CACNA1E: variants seen among roughly 807,000 people sequenced by gnomAD.
CACNA1E encodes the protein voltage-dependent R-type calcium channel subunit alpha-1E.
In CACNA1E, 40 loss-of-function variants were observed where a neutral mutation model predicts 259.2. That is an observed-to-expected ratio of 0.15 (90% CI 0.12 to 0.20). The LOEUF (loss-of-function observed/expected upper bound fraction) is 0.20, where lower values mean the gene tolerates loss of function less well. Ranked by LOEUF, CACNA1E falls within the 10% of genes least tolerant of loss-of-function variation. The probability of loss-of-function intolerance (pLI) is 1.00; values close to 1 mark genes in which losing one functional copy is unlikely to be tolerated. For missense variants in CACNA1E, 1,874 were observed against 3,040.1 expected (o/e 0.62, Z 9.02); for synonymous variants, 1,104 against 1,138.5 (o/e 0.97, Z 0.61).
intron 7 of CACNA1E, among the ~76,000 whole-genome samples, chr1:181,682,336 G>A (rs980898436): frequency 2.0e-5 from 3 of 152,158 alleles, no homozygotes; most frequent in Non-Finnish European, 4.4e-5. Flanking sequence ...GACCCTCCAA[G>A]ATGCTCTAAC....
At chr1:181,394,401 C>A (rs988452143) in intron 1 of CACNA1E, among the ~76,000 whole-genome samples, 1 of 152,164 alleles carries the variant, frequency 6.6e-6, no homozygotes. Flanking sequence ...GCTTTTGTAA[C>A]AATTTCAGAT....
intron 3 of CACNA1E, among the ~76,000 whole-genome samples, chr1:181,514,795 G>C (rs1666438840): frequency 6.6e-6 from 1 of 152,184 alleles, no homozygotes; most frequent in African/African-American, 2.4e-5. Flanking sequence ...GAGATGACTA[G>C]TTGAGGGGCC....
In CACNA1E at chr1:181,793,690, G is replaced by C; in HGVS notation, c.5924G>C (p.Ser1975Thr). ...SLEPEVSELKSVQPSNHGIYL... is the reference protein window; with the variant it reads ...SLEPEVSELKTVQPSNHGIYL... Reference sequence around the variant, plus strand: ...GAGCCAGAGGTTAGTGAATTAAAAAGCGTGCAGCCCTCTAACCATGGCATC... The same window carrying C: ...GAGCCAGAGGTTAGTGAATTAAAAACCGTGCAGCCCTCTAACCATGGCATC... The change falls in exon 45 of 48, where the codon AGC becomes ACC. Residue 1975 changes from serine (S) to threonine (T), a missense_variant. Around this residue, in one of 14 missense-constraint regions of CACNA1E, gnomAD observed 542 missense variants for 587.2 expected, o/e 0.92. Coordinates refer to ENST00000367573, the MANE Select transcript of CACNA1E (RefSeq NM_001205293.3). 1 of 1,610,452 alleles carries C rather than the reference G, an allele frequency of 6.2e-7. No homozygotes were observed. Among genetic ancestry groups the C allele is most frequent in the Non-Finnish European group, 8.5e-7 (1 of 1,178,932 alleles).
Position 181,551,857 on chromosome 1 carries a change from C to T in CACNA1E, c.513-25909C>T, listed in dbSNP as rs191409455. Among the ~76,000 whole-genome samples, 12 of 152,052 alleles carry T rather than the reference C, an allele frequency of 7.9e-5. 1 individual carries two copies. In the East Asian group the frequency reaches 1.4e-3, roughly 17 times the overall value. On this transcript the variant is annotated intron_variant, in intron 3 of 47. Coordinates refer to ENST00000367573, the MANE Select transcript of CACNA1E (RefSeq NM_001205293.3). Reference sequence around the variant, plus strand: ...TTTCTCCTCTCTCCCTCACTTCTTTCGTTCCTCCCTCATTCTCTCCATCTT... The same window carrying T: ...TTTCTCCTCTCTCCCTCACTTCTTTTGTTCCTCCCTCATTCTCTCCATCTT...
In CACNA1E at chr1:181,553,406, C is replaced by T. The variant is rs539310071; in HGVS notation, c.513-24360C>T. 5.3e-5 allele frequency among the ~76,000 whole-genome samples: 8 copies of T among 152,152 alleles called. No individual in the cohort carries two copies. In the East Asian group the frequency reaches 1.2e-3, roughly 22 times the overall value. ...ATCAGTTTAAGGAGTTTTTGGGCTG[C>T]GATGATGGGGTTTTCTAAATATACA... is the stretch of plus-strand genomic sequence containing the variant. On this transcript the variant is annotated intron_variant, in intron 3 of 47. Coordinates refer to ENST00000367573, the MANE Select transcript of CACNA1E (RefSeq NM_001205293.3).
At chr1:181,503,946 A>G (rs1212892085) in intron 1 of CACNA1E, among the ~76,000 whole-genome samples, 2 of 152,156 alleles carry the variant, frequency 1.3e-5, no homozygotes, top group African/African-American at 2.4e-5. Context: ...GGATAGCTGT[A>G]TTTCATTCCT....
chr1:181,431,088 A>AT (rs931863768), intron 2 of CACNA1E, among the ~76,000 whole-genome samples: 4 of 151,812 alleles, frequency 2.6e-5, no homozygotes, highest in African/African-American at 7.2e-5. Flanking sequence ...ATACCTCTCA[A>AT]TTTTTTTTAG....
At chr1:181,615,719 C>T (rs182162511) in intron 6 of CACNA1E, among the ~76,000 whole-genome samples, 77 of 132,058 alleles carry the variant, frequency 5.8e-4, no homozygotes, top group African/African-American at 2.0e-3. Flanking sequence ...TTTTCATTTT[C>T]AATTCTTATT....
chr1:181,673,844 TCTC>T (rs761830461), intron 7 of CACNA1E, among the ~76,000 whole-genome samples: 19 of 152,154 alleles, frequency 1.2e-4, no homozygotes, highest in Non-Finnish European at 2.1e-4. Flanking sequence ...GTTGCCTCTT[TCTC>T]CTCAATATAA....
intron 7 of CACNA1E, among the ~76,000 whole-genome samples, chr1:181,674,223 CAAAA>C (rs58198967): frequency 2.4e-4 from 21 of 88,426 alleles, no homozygotes; most frequent in African/African-American, 6.7e-4. Flanking sequence ...ACTAAAAATA[CAAAA>C]AAAAAAAAAA....
At chr1:181,714,564 C>T (rs1653712059) in intron 8 of CACNA1E, among the ~76,000 whole-genome samples, 1 of 152,202 alleles carries the variant, frequency 6.6e-6, no homozygotes, top group Non-Finnish European at 1.5e-5. Flanking sequence ...GCTGAAAGTT[C>T]TAGCCTCCAG....
intron 1 of CACNA1E, among the ~76,000 whole-genome samples, chr1:181,359,249 A>G (rs1025024980): frequency 1.3e-5 from 2 of 152,196 alleles, no homozygotes; most frequent in African/African-American, 4.8e-5. Flanking sequence ...ACAGAGACAT[A>G]TAAACAAATA....
intron 1 of CACNA1E, among the ~76,000 whole-genome samples, chr1:181,500,856 C>G (rs1481439969): frequency 6.6e-5 from 10 of 152,172 alleles, no homozygotes; most frequent in Admixed American, 5.9e-4. Flanking sequence ...TCTATGGACT[C>G]TTTCACAAAA....
At chr1:181,736,118 G>A (rs951584267) in intron 21 of CACNA1E, among the ~76,000 whole-genome samples, 157 bp from the exon 22 acceptor site, 3 of 152,200 alleles carry the variant, frequency 2.0e-5, no homozygotes, top group African/African-American at 4.8e-5. Flanking sequence ...TTAACTCAGT[G>A]TCAGGTAGTA....
chr1:181,407,553 T>C (rs1319148273), intron 1 of CACNA1E, among the ~76,000 whole-genome samples: 1 of 152,230 alleles, frequency 6.6e-6, no homozygotes, highest in African/African-American at 2.4e-5. Flanking sequence ...TCCAGGAATC[T>C]GCATTTTTAA....
intron 35 of CACNA1E, among the ~76,000 whole-genome samples, chr1:181,767,929 T>C (rs564022759): frequency 6.6e-6 from 1 of 152,376 alleles, no homozygotes; most frequent in South Asian, 2.1e-4. Flanking sequence ...ATTTAAATTA[T>C]TTTTTCAAAA....
intron 43 of CACNA1E, among the ~76,000 whole-genome samples, chr1:181,787,310 C>G (rs562326931): frequency 1.3e-5 from 2 of 152,056 alleles, no homozygotes; most frequent in African/African-American, 4.8e-5. Context: ...CGGGGTTTCA[C>G]CGTGTTAGCC....
chr1:181,622,595 ACCAGT>A (rs1655824782), intron 6 of CACNA1E, among the ~76,000 whole-genome samples: 1 of 152,102 alleles, frequency 6.6e-6, no homozygotes, highest in Non-Finnish European at 1.5e-5. Context: ...TTGTAATAAT[ACCAGT>A]AAGGTTGGAT....
intron 6 of CACNA1E, among the ~76,000 whole-genome samples, chr1:181,612,306 T>C (rs1302264811): frequency 6.6e-6 from 1 of 152,216 alleles, no homozygotes; most frequent in Non-Finnish European, 1.5e-5. Flanking sequence ...TGATGCACTC[T>C]CCTTGCTCTG....
Sources: gnomAD v4.1 joint callset for allele counts (sites outside exome capture counted in the v4.1 genomes callset) on GRCh38, gnomAD v4.1.1 for gene constraint, gnomAD v4.1.1 regional missense constraint, MANE v1.5 for transcripts, NCBI Gene and HGNC (gene_info 2026-07-23, HGNC 2026-07-21) for gene names.